Variants in GALNT13 observed in about 807,000 individuals in gnomAD.
GALNT13 encodes UDP-GalNAc:polypeptide N-acetylgalactosaminyltransferase 13.
A neutral mutation model predicts 64.2 loss-of-function variants in GALNT13; 28 were observed. The ratio of observed to expected loss-of-function variants is 0.44; its 90% CI spans 0.32 to 0.60. GALNT13 has a LOEUF of 0.60. GALNT13 is among the 20% of genes least tolerant of loss of function. The pLI is 0.05. For synonymous variants in GALNT13, 214 were observed against 224.6 expected, an observed-to-expected ratio of 0.95 and a Z score of 0.42; for missense variants, 577 against 669.8, an observed-to-expected ratio of 0.86 and a Z score of 1.53.
At chr2:153,756,105 T>C in the GALNT13 span, among the ~76,000 whole-genome samples, 4 of 152,158 alleles carry the variant, frequency 2.6e-5, no homozygotes, top group Admixed American at 6.5e-5. Context: ...GTACACATTA[T>C]GTCTTTCTTA....
intron 3 of GALNT13, among the ~76,000 whole-genome samples, chr2:153,947,641 C>G (rs1037058894): frequency 3.3e-5 from 5 of 151,860 alleles, no homozygotes; most frequent in South Asian, 2.1e-4. Context: ...TGTCTGTTTA[C>G]TCTGTTGTTA....
At chr2:153,450,359 T>A in the GALNT13 span, among the ~76,000 whole-genome samples, 49 of 152,318 alleles carry the variant, frequency 3.2e-4, 1 homozygote, top group Admixed American at 8.5e-4. Context: ...AAGTTAGTTT[T>A]TGTTATAAAT....
the GALNT13 span, among the ~76,000 whole-genome samples, chr2:153,090,075 T>A: frequency 6.6e-6 from 1 of 152,148 alleles, no homozygotes; most frequent in South Asian, 2.1e-4. Context: ...TGTCAGTGTT[T>A]CCAGTCTGGA....
chr2:153,936,084 T>C (rs1690892359), intron 2 of GALNT13, among the ~76,000 whole-genome samples: 1 of 152,224 alleles, frequency 6.6e-6, no homozygotes, highest in Admixed American at 6.5e-5. Context: ...CAGTTAGCAG[T>C]AGAGTTAGCT....
intron 4 of GALNT13, among the ~76,000 whole-genome samples, chr2:154,207,895 G>A (rs923946944): frequency 6.6e-6 from 1 of 152,066 alleles, no homozygotes; most frequent in African/African-American, 2.4e-5. Context: ...AGATGATGTC[G>A]CATAGGACAA....
At chr2:153,389,237 A>T in the GALNT13 span, among the ~76,000 whole-genome samples, 1 of 152,114 alleles carries the variant, frequency 6.6e-6, no homozygotes. Flanking sequence ...TGAGAGCTAC[A>T]GTCCCCTGCT....
chr2:153,150,756 C>G, the GALNT13 span, among the ~76,000 whole-genome samples: 1 of 152,008 alleles, frequency 6.6e-6, no homozygotes, highest in Admixed American at 6.6e-5. Flanking sequence ...TTGTTTTTGT[C>G]AGGTTTGTCA....
chr2:153,325,600 T>A, the GALNT13 span, among the ~76,000 whole-genome samples: 1 of 152,208 alleles, frequency 6.6e-6, no homozygotes, highest in Non-Finnish European at 1.5e-5. Context: ...GGGTGTTGAT[T>A]TTAGCTCTTT....
chr2:153,920,033 A>C (rs1349711006), intron 2 of GALNT13, among the ~76,000 whole-genome samples: 4 of 148,044 alleles, frequency 2.7e-5, no homozygotes, highest in African/African-American at 9.8e-5. Flanking sequence ...TATATAGCTA[A>C]ATATAATTAT....
At chr2:154,120,968 T>C (rs889884834) in intron 3 of GALNT13, among the ~76,000 whole-genome samples, 40 of 152,098 alleles carry the variant, frequency 2.6e-4, no homozygotes, top group African/African-American at 9.7e-4. Context: ...ATGAGGTGAA[T>C]TTAGCATGGA....
chr2:154,166,362 G>A (rs528406732), intron 4 of GALNT13, among the ~76,000 whole-genome samples: 11 of 152,254 alleles, frequency 7.2e-5, no homozygotes, highest in South Asian at 2.1e-4. Flanking sequence ...CGGAGATCAC[G>A]CCACTGCACT....
At chr2:153,888,464 A>C (rs985268074) in intron 1 of GALNT13, among the ~76,000 whole-genome samples, 1 of 151,946 alleles carries the variant, frequency 6.6e-6, no homozygotes, top group African/African-American at 2.4e-5. Context: ...CAAGTAAATA[A>C]ATTATTTTTA....
intron 3 of GALNT13, among the ~76,000 whole-genome samples, chr2:153,992,043 C>T (rs1695191613): frequency 6.6e-6 from 1 of 151,978 alleles, no homozygotes; most frequent in Non-Finnish European, 1.5e-5. Context: ...TAATTGTTAC[C>T]CTTTTAAAGG....
chr2:153,704,196 A>C, the GALNT13 span, among the ~76,000 whole-genome samples: 9 of 152,148 alleles, frequency 5.9e-5, no homozygotes, highest in South Asian at 2.1e-4. Context: ...GAACATTAAA[A>C]ACCAAACATC....
chr2:154,240,627 C>G (rs1176506571), intron 4 of GALNT13, among the ~76,000 whole-genome samples: 2 of 152,146 alleles, frequency 1.3e-5, no homozygotes, highest in African/African-American at 2.4e-5. Context: ...TTGTGGGGCT[C>G]CGACCCCACA....
At position 153,899,006 on chromosome 2, in the gene GALNT13, C is replaced by T. The variant is rs139359243; in HGVS notation, c.-176-1930C>T. On this transcript the variant is annotated intron_variant, in intron 1 of 12. Transcript: ENST00000392825. The stretch of plus-strand genomic sequence containing the variant: ...GGGCAACCATTTTTCTGTTCCATAC[C>T]TGAGTCTAGCCTTATAAAAATCTTC... 4.1e-3 allele frequency among the ~76,000 whole-genome samples: 628 copies of T among 152,122 alleles called. 4 individuals carry two copies. The highest frequency in any genetic ancestry group is 0.014 in the African/African-American group (601 of 41,484).
chr2:154,034,613 C>T (rs1288620177), intron 3 of GALNT13, among the ~76,000 whole-genome samples: 1 of 135,004 alleles, frequency 7.4e-6, no homozygotes, highest in African/African-American at 3.4e-5. Flanking sequence ...CAAGCTTTTC[C>T]ACTGTCCATT....
At chr2:153,202,205 C>T in the GALNT13 span, among the ~76,000 whole-genome samples, 1 of 151,788 alleles carries the variant, frequency 6.6e-6, no homozygotes, top group Non-Finnish European at 1.5e-5. Context: ...AGGATGGTCT[C>T]GATCTCCTGA....
At chr2:153,791,694 G>C in the GALNT13 span, among the ~76,000 whole-genome samples, 6 of 152,074 alleles carry the variant, frequency 3.9e-5, no homozygotes, top group Admixed American at 2.6e-4. Context: ...CAGTGGTAGA[G>C]TGGATAAAGA....
Sources: gnomAD v4.1 joint callset for allele counts (sites outside exome capture counted in the v4.1 genomes callset) on GRCh38, gnomAD v4.1.1 for gene constraint, MANE v1.5 for transcripts, NCBI Gene and HGNC (gene_info 2026-07-23, HGNC 2026-07-21) for gene names.